INSR: variants seen among roughly 807,000 people sequenced by gnomAD.
The protein encoded by INSR is insulin receptor, also known as IR.
A neutral mutation model predicts 142.6 loss-of-function variants in INSR; 67 were observed. That is an observed-to-expected ratio of 0.47 (90% confidence interval 0.39 to 0.58). The LOEUF (loss-of-function observed/expected upper bound fraction) is 0.58. INSR is among the 20% of genes least tolerant of loss of function. The pLI, the probability that INSR is intolerant of heterozygous loss-of-function variation, is 0.00. For missense variants in INSR, 1,248 were observed against 1,833.2 expected, an observed-to-expected ratio of 0.68 and a Z score of 5.83; for synonymous variants, 756 against 743.1, an observed-to-expected ratio of 1.02 and a Z score of -0.28.
Position 7,150,450 on chromosome 19 carries a change from C to G in INSR, c.2267+47G>C. 4.4e-6 allele frequency: 7 copies of G among 1,594,736 alleles called. No homozygotes were observed. The highest frequency in any genetic ancestry group is 6.0e-6 in the Non-Finnish European group (7 of 1,163,078). On this transcript the variant is annotated intron_variant, in intron 11 of 21. Coordinates refer to ENST00000302850, the MANE Select transcript of INSR (RefSeq NM_000208.4). The surrounding 1 kb of genome is among the most constrained non-coding windows in gnomAD (Gnocchi z 4.2). ...CCGAGGCATCTGCCTGGCACGCCGC[C>G]GGCCCTGCGCGGAGCAGGCACCAGG...
chr19:7,197,416 G>T (rs1295757101), intron 2 of INSR, among the ~76,000 whole-genome samples: 1 of 152,206 alleles, frequency 6.6e-6, no homozygotes. Flanking sequence ...GATCTCTTAG[G>T]AGATATACTG....
At chr19:7,226,728 CAAAAAAA>C (rs71177177) in intron 2 of INSR, among the ~76,000 whole-genome samples, 1 of 112,888 alleles carries the variant, frequency 8.9e-6, no homozygotes, top group African/African-American at 3.6e-5. Flanking sequence ...ACCCTGTTTC[CAAAAAAA>C]AAAAAAAAAT....
intron 2 of INSR, among the ~76,000 whole-genome samples, chr19:7,226,898 T>TA (rs1975805368): frequency 6.6e-6 from 1 of 152,178 alleles, no homozygotes; most frequent in South Asian, 2.1e-4. Flanking sequence ...CCAATTTTGC[T>TA]ACTCTTGAGC....
At chr19:7,180,355 C>T (rs1457467669) in intron 3 of INSR, among the ~76,000 whole-genome samples, 1 of 151,818 alleles carries the variant, frequency 6.6e-6, no homozygotes, top group Non-Finnish European at 1.5e-5. Flanking sequence ...TATAGCAAGA[C>T]CCCCAACACT....
chr19:7,277,624 C>T (rs960881829), intron 1 of INSR, among the ~76,000 whole-genome samples: 4 of 152,026 alleles, frequency 2.6e-5, no homozygotes, highest in Non-Finnish European at 4.4e-5. Context: ...TGGCAAAACC[C>T]TACCTCTACT....
In INSR at chr19:7,168,256, G is replaced by A. The variant is rs1973933210; in HGVS notation, c.1484-162C>T. 6.6e-6 allele frequency among the ~76,000 whole-genome samples: 1 copy of A among 152,074 alleles called. No individual in the cohort carries two copies. Among genetic ancestry groups the A allele is most frequent in the African/African-American group, 2.4e-5 (1 of 41,408 alleles). On this transcript the variant is annotated intron_variant, in intron 6 of 21. Coordinates refer to ENST00000302850, the MANE Select transcript of INSR (RefSeq NM_000208.4). The surrounding 1 kb of genome is among the most constrained non-coding windows in gnomAD (Gnocchi z 4.3). ...CATGTGCCTGGCTGAGTATGAATGG[G>A]GGAAGATTCAAAGGTAAGAGCCAGT...
intron 2 of INSR, among the ~76,000 whole-genome samples, chr19:7,240,147 C>A (rs2145148400): frequency 6.6e-6 from 1 of 152,124 alleles, no homozygotes; most frequent in East Asian, 1.9e-4. Context: ...ACTTAGCTTC[C>A]CAATATATGC....
At chr19:7,153,348 A>ACACACACCACACACGCCACACAACG (rs1973482383) in intron 9 of INSR, among the ~76,000 whole-genome samples, 4 of 5,818 alleles carry the variant, frequency 6.9e-4, no homozygotes, top group Admixed American at 1.7e-3. Context: ...CACACACCAC[A>ACACACACCACACACGCCACACAACG]GACCACACAC....
chr19:7,271,903 G>A (rs767384579), intron 1 of INSR, among the ~76,000 whole-genome samples: 7 of 152,070 alleles, frequency 4.6e-5, no homozygotes, highest in Non-Finnish European at 7.4e-5. Flanking sequence ...CCAGCTACAC[G>A]GGAGACTGAG....
chr19:7,151,046 TTTC>T (rs1973324930), intron 10 of INSR, among the ~76,000 whole-genome samples: 1 of 71,108 alleles, frequency 1.4e-5, no homozygotes, highest in Non-Finnish European at 5.3e-5. Flanking sequence ...TTTTTTTCAT[TTTC>T]TTTCTCTTTC....
rs1972242532 is a variant in INSR at position 7,112,977 on chromosome 19, G to A, written c.*4079C>T. Reference sequence around the variant, plus strand: ...AGTGACACCCCTCTCTGTGTACCATGTATATAAAATCGGCATTCCCTGTTC... The same window carrying A: ...AGTGACACCCCTCTCTGTGTACCATATATATAAAATCGGCATTCCCTGTTC... On this transcript the variant is annotated 3_prime_UTR_variant, in exon 22 of 22. Coordinates refer to ENST00000302850, the MANE Select transcript of INSR (RefSeq NM_000208.4). 6.6e-6 allele frequency: 1 copy of A among 152,120 alleles called. No individual in the cohort carries two copies. Among genetic ancestry groups the A allele is most frequent in the Non-Finnish European group, 1.5e-5 (1 of 68,038 alleles). The allele number at this position is 152,120 out of a possible 1,614,324, so 9.4% of individuals were successfully genotyped here. A position where few individuals can be genotyped will look rare whatever the true frequency, so the allele number is the denominator to read the frequency against.
At chr19:7,122,501 T>C (rs751190616) in intron 19 of INSR, 113 bp downstream of exon 19, 54 of 292,858 alleles carry the variant, frequency 1.8e-4, no homozygotes, top group Non-Finnish European at 2.8e-4. Flanking sequence ...AAAAGAAGTA[T>C]CTTGCCCCTT....
chr19:7,258,564 G>A (rs1185621509), intron 2 of INSR, among the ~76,000 whole-genome samples: 4 of 149,568 alleles, frequency 2.7e-5, no homozygotes, highest in Non-Finnish European at 6.0e-5. Flanking sequence ...CCCCAGCTAG[G>A]TCTCCTAGAG....
At chr19:7,172,461 G>A in intron 4 of INSR, 27 bp from the exon 5 acceptor site, 1 of 1,610,746 alleles carries the variant, frequency 6.2e-7, no homozygotes, top group Non-Finnish European at 8.5e-7. Flanking sequence ...ATATCCAGTG[G>A]GTTTCTATAG....
At chr19:7,197,260 G>A (rs892917461) in intron 2 of INSR, among the ~76,000 whole-genome samples, 2 of 152,264 alleles carry the variant, frequency 1.3e-5, no homozygotes, top group Admixed American at 1.3e-4. Flanking sequence ...GGCTAGAAAG[G>A]GAACAGAGTA....
intron 2 of INSR, among the ~76,000 whole-genome samples, chr19:7,250,327 A>C (rs1976672459): frequency 6.7e-6 from 1 of 149,132 alleles, no homozygotes; most frequent in Non-Finnish European, 1.5e-5. Flanking sequence ...TGAAAGGAAG[A>C]GAGAGAAAAA....
intron 2 of INSR, among the ~76,000 whole-genome samples, 172 bp from the exon 3 acceptor site, chr19:7,184,809 A>G (rs532286558): frequency 2.2e-3 from 274 of 122,426 alleles, no homozygotes; most frequent in Non-Finnish European, 3.8e-3. Flanking sequence ...ATCATTACCC[A>G]CATGTCAGAC....
At position 7,289,162 on chromosome 19, in the gene INSR, G is replaced by A. The variant is rs117860347; in HGVS notation, c.100+4630C>T. ...GGGGTCAAGTGAGGTGAGGCTGCAG[G>A]AGACGCAACTGGGAGATGAGAGATT... On this transcript the variant is annotated intron_variant, in intron 1 of 21. Coordinates refer to ENST00000302850, the MANE Select transcript of INSR (RefSeq NM_000208.4). Among the ~76,000 whole-genome samples, 1,414 of 152,038 alleles carry A rather than the reference G, an allele frequency of 9.3e-3. 13 individuals carry two copies. Among genetic ancestry groups the A allele is most frequent in the Middle Eastern group, 0.02 (6 of 294 alleles).
intron 2 of INSR, among the ~76,000 whole-genome samples, chr19:7,231,190 T>C (rs1975961788): frequency 6.6e-6 from 1 of 152,190 alleles, no homozygotes; most frequent in African/African-American, 2.4e-5. Flanking sequence ...TTCTGGCAGC[T>C]CAGCAAAGAG....
Sources: gnomAD v4.1 joint callset for allele counts (sites outside exome capture counted in the v4.1 genomes callset) on GRCh38, gnomAD v4.1.1 for gene constraint, Gnocchi (gnomAD v3.1) non-coding constraint, MANE v1.5 for transcripts, NCBI Gene and HGNC (gene_info 2026-07-23, HGNC 2026-07-21) for gene names.